Variants in ANO2 observed in about 807,000 individuals in gnomAD.
The protein encoded by ANO2 is anoctamin 2.
ANO2 carries 101 observed loss-of-function variants against 124.2 expected under a neutral mutation model. The ratio of observed to expected loss-of-function variants is 0.81; its 90% CI spans 0.69 to 0.96. The LOEUF is 0.96. Ranked by LOEUF, ANO2 falls within the 40% of genes least tolerant of loss-of-function variation. The pLI is 0.00. For missense variants in ANO2, 1,293 were observed against 1,274.5 expected (o/e 1.01, Z -0.22); for synonymous variants, 486 against 482.5 (o/e 1.01, Z -0.09).
At chr12:5,939,460 C>A (rs1382325398) in intron 1 of ANO2, among the ~76,000 whole-genome samples, 1 of 152,056 alleles carries the variant, frequency 6.6e-6, no homozygotes. Context: ...TCCATCCCTG[C>A]CTTTGAGTAT....
intron 1 of ANO2, among the ~76,000 whole-genome samples, chr12:5,923,037 CACAT>C (rs1941797534): frequency 1.4e-5 from 2 of 146,256 alleles, no homozygotes; most frequent in South Asian, 2.1e-4. Flanking sequence ...CACATACACA[CACAT>C]GCACGCACAC....
At chr12:5,749,891 T>TAATATATA (rs1951385525) in intron 11 of ANO2, among the ~76,000 whole-genome samples, 1 of 152,064 alleles carries the variant, frequency 6.6e-6, no homozygotes, top group African/African-American at 2.4e-5. Context: ...GTCACATGGC[T>TAATATATA]AATATATAAC....
At chr12:5,713,927 CCTCT>C (rs1286382082) in intron 14 of ANO2, among the ~76,000 whole-genome samples, 2 of 152,164 alleles carry the variant, frequency 1.3e-5, no homozygotes, top group Non-Finnish European at 2.9e-5. Flanking sequence ...TCAGGCCCTC[CCTCT>C]ATCTGCCAGG....
chr12:5,822,627 C>A (rs554967402), intron 7 of ANO2, among the ~76,000 whole-genome samples: 1 of 152,316 alleles, frequency 6.6e-6, no homozygotes, highest in East Asian at 1.9e-4. Context: ...TGGGGGTGAT[C>A]AACCAGCTAC....
At chr12:5,627,461 C>T (rs557498548) in intron 16 of ANO2, among the ~76,000 whole-genome samples, 7 of 152,202 alleles carry the variant, frequency 4.6e-5, no homozygotes, top group Admixed American at 2.6e-4. Flanking sequence ...CTGCAGCCCA[C>T]GCCGGCCAGG....
chr12:5,743,717 A>C (rs1951177493), intron 12 of ANO2, among the ~76,000 whole-genome samples: 1 of 152,202 alleles, frequency 6.6e-6, no homozygotes, highest in Non-Finnish European at 1.5e-5. Context: ...CGCACTGAAC[A>C]GGAGTCAGGA....
intron 1 of ANO2, among the ~76,000 whole-genome samples, chr12:5,927,536 C>T (rs2136312065): frequency 6.6e-6 from 1 of 152,350 alleles, no homozygotes; most frequent in South Asian, 2.1e-4. Context: ...AGCCCCTCCC[C>T]AGCTTCTGTG....
chr12:5,758,657 C>T (rs1402251119), intron 10 of ANO2, among the ~76,000 whole-genome samples: 1 of 152,198 alleles, frequency 6.6e-6, no homozygotes, highest in East Asian at 1.9e-4. Flanking sequence ...CTGAAGGAAT[C>T]TGAAGTTTGT....
intron 14 of ANO2, among the ~76,000 whole-genome samples, chr12:5,699,564 A>G (rs1380805962): frequency 6.6e-6 from 1 of 152,138 alleles, no homozygotes; most frequent in African/African-American, 2.4e-5. Context: ...CTAACATCAT[A>G]ATGACAGGAT....
In ANO2 at chr12:5,769,314, C is replaced by T. The variant is rs543882600; in HGVS notation, c.1056-18344G>A. ...CAGGAACCAGGACTGGCTGGCCTGG[C>T]GTGGCCTGTCACTGGCTCTGCAAGC... On this transcript the variant is annotated intron_variant, in intron 10 of 24. Transcript: ENST00000682330. This position sits in a 1 kb window ranked among gnomAD's most constrained non-coding sequence, Gnocchi z 4.0. 7.2e-5 allele frequency among the ~76,000 whole-genome samples: 11 copies of T among 152,098 alleles called. No homozygotes were observed. In the East Asian group the frequency reaches 1.4e-3, roughly 19 times the overall value.
chr12:5,797,351 G>A (rs750792191), intron 10 of ANO2, among the ~76,000 whole-genome samples: 27 of 152,178 alleles, frequency 1.8e-4, no homozygotes, highest in Non-Finnish European at 3.4e-4. Flanking sequence ...TGAAAGTGAC[G>A]CCAGTCAGGG....
intron 3 of ANO2, among the ~76,000 whole-genome samples, chr12:5,878,378 G>A (rs1256228916): frequency 1.3e-5 from 2 of 152,200 alleles, no homozygotes; most frequent in Non-Finnish European, 2.9e-5. Flanking sequence ...GCACTTAAGT[G>A]CTTTTCCATA....
chr12:5,637,688 T>C (rs914958849), intron 15 of ANO2, among the ~76,000 whole-genome samples: 14 of 152,186 alleles, frequency 9.2e-5, no homozygotes, highest in African/African-American at 2.9e-4. Flanking sequence ...GTTCTCCTTA[T>C]CTAGAAAAGC....
chr12:5,668,086 G>A lies in ANO2; in HGVS notation c.1546-20285C>T, dbSNP rs188802879. Among the ~76,000 whole-genome samples the A allele has an allele frequency of 7.2e-5, 11 of 152,288 alleles. No homozygotes were observed. The East Asian group carries it at 1.7e-3, about 24-fold the overall frequency. On this transcript the variant is annotated intron_variant, in intron 14 of 24. Coordinates refer to ENST00000682330, the MANE Select transcript of ANO2 (RefSeq NM_001364791.2). ...ATATACTCAGTAATGTGATTGCTGG[G>A]TCAAATGGTATTTCTGGTTCTAGAT...
At chr12:5,876,191 T>C (rs780907021) in intron 3 of ANO2, among the ~76,000 whole-genome samples, 1 of 152,200 alleles carries the variant, frequency 6.6e-6, no homozygotes, top group Non-Finnish European at 1.5e-5. Flanking sequence ...ATTATTTTAA[T>C]TACTTCACCT....
At chr12:5,924,212 C>T (rs1941969875) in intron 1 of ANO2, among the ~76,000 whole-genome samples, 1 of 152,242 alleles carries the variant, frequency 6.6e-6, no homozygotes, top group Admixed American at 6.5e-5. Context: ...GGAGCAGCCC[C>T]TTAGGTGCTC....
intron 4 of ANO2, among the ~76,000 whole-genome samples, chr12:5,845,494 G>T (rs1954653231): frequency 6.6e-6 from 1 of 150,984 alleles, no homozygotes; most frequent in Non-Finnish European, 1.5e-5. Flanking sequence ...ATCAACTCAG[G>T]AGGCGGAGCT....
At chr12:5,581,373 C>G (rs1328489302) in intron 20 of ANO2, among the ~76,000 whole-genome samples, 1 of 152,162 alleles carries the variant, frequency 6.6e-6, no homozygotes, top group African/African-American at 2.4e-5. Context: ...CAGTTTACTT[C>G]TGAGGGATTG....
chr12:5,601,903 G>A (rs1252945349), intron 19 of ANO2, among the ~76,000 whole-genome samples: 1 of 152,210 alleles, frequency 6.6e-6, no homozygotes, highest in Non-Finnish European at 1.5e-5. Context: ...GTGGAAGATG[G>A]TAGAGAGAAA....
Sources: allele counts gnomAD v4.1 joint callset (sites outside exome capture counted in the v4.1 genomes callset), GRCh38; gene constraint gnomAD v4.1.1; non-coding constraint Gnocchi (gnomAD v3.1); transcripts MANE v1.5; gene names NCBI Gene and HGNC (gene_info 2026-07-23, HGNC 2026-07-21).